CPQ: variants seen among roughly 807,000 people sequenced by gnomAD.
The protein encoded by CPQ is carboxypeptidase Q.
In CPQ, 37 loss-of-function variants were observed where a neutral mutation model predicts 45.7. That is an observed-to-expected ratio of 0.81 (90% confidence interval 0.62 to 1.07). The LOEUF is 1.07. CPQ is among the 50% of genes least tolerant of loss of function. CPQ has a pLI of 0.00. For missense variants in CPQ, 537 were observed against 572.9 expected (o/e 0.94, Z 0.64); for synonymous variants, 186 against 205.8 (o/e 0.90, Z 0.82).
intron 2 of CPQ, among the ~76,000 whole-genome samples, chr8:96,829,308 GAC>G (rs1811418824): frequency 6.6e-6 from 1 of 152,126 alleles, no homozygotes; most frequent in Non-Finnish European, 1.5e-5. Flanking sequence ...GATCTCAGGA[GAC>G]ACAGTCCGGA....
chr8:96,788,109 A>T (rs538382816), intron 2 of CPQ, among the ~76,000 whole-genome samples: 1 of 148,254 alleles, frequency 6.7e-6, no homozygotes. Flanking sequence ...AGCACTTTGA[A>T]TACATTATCG....
intron 1 of CPQ, among the ~76,000 whole-genome samples, chr8:96,718,058 A>G (rs1369397133): frequency 6.6e-6 from 1 of 152,212 alleles, no homozygotes; most frequent in Non-Finnish European, 1.5e-5. Context: ...ATGGAGACAG[A>G]AACCACTGTG....
intron 6 of CPQ, among the ~76,000 whole-genome samples, chr8:97,034,956 G>A (rs1423161140): frequency 3.3e-5 from 5 of 150,044 alleles, no homozygotes; most frequent in East Asian, 2.0e-4. Context: ...AGTGTGGCAC[G>A]ATCTCAGCTC....
At chr8:96,649,634 G>A (rs1487263134) in intron 1 of CPQ, among the ~76,000 whole-genome samples, 1 of 152,230 alleles carries the variant, frequency 6.6e-6, no homozygotes, top group East Asian at 1.9e-4. Context: ...GAAAGACGGT[G>A]AGTGAGCAGA....
chr8:96,735,901 G>T (rs537958612), intron 1 of CPQ, among the ~76,000 whole-genome samples: 114 of 152,242 alleles, frequency 7.5e-4, no homozygotes, highest in African/African-American at 2.7e-3. Flanking sequence ...CCATTGGGAA[G>T]ATTTTCCCCT....
chr8:96,688,596 C>G (rs1022906167), intron 1 of CPQ, among the ~76,000 whole-genome samples: 1 of 152,144 alleles, frequency 6.6e-6, no homozygotes, highest in African/African-American at 2.4e-5. Flanking sequence ...ATGTGACTCT[C>G]TATTTCCTAC....
At chr8:97,037,767 G>T (rs1349421499) in intron 6 of CPQ, among the ~76,000 whole-genome samples, 1 of 151,992 alleles carries the variant, frequency 6.6e-6, no homozygotes, top group East Asian at 1.9e-4. Flanking sequence ...TTATGACTAG[G>T]GGACTTCTGA....
Position 97,066,163 on chromosome 8 carries a change from A to G in CPQ, c.1208A>G (p.His403Arg). Residue 403 changes from histidine (H) to arginine (R), a missense_variant, in exon 7 of 8, where the codon CAT becomes CGT. Physicochemically the swap from His to Arg is conservative, Grantham distance 29 (BLOSUM62 0). Coordinates refer to ENST00000220763, the MANE Select transcript of CPQ (RefSeq NM_016134.4). Reference protein sequence around the residue: ...QPLNITQVLSHGEGTDINFWI... With the variant: ...QPLNITQVLSRGEGTDINFWI... The stretch of plus-strand genomic sequence containing the variant: ...CTCAATATCACTCAGGTCCTGAGCC[A>G]TGGAGAAGGGACAGACATCAACTTT... 4 of 1,611,654 alleles carry G rather than the reference A, an allele frequency of 2.5e-6. No individual in the cohort carries two copies. Among genetic ancestry groups the G allele is most frequent in the African/African-American group, 1.3e-5 (1 of 74,930 alleles).
chr8:96,864,186 G>A (rs1346272773), intron 3 of CPQ, among the ~76,000 whole-genome samples: 1 of 151,986 alleles, frequency 6.6e-6, no homozygotes, highest in African/African-American at 2.4e-5. Flanking sequence ...CTTCCTAACT[G>A]GCTTATTCTG....
At chr8:96,894,969 T>C (rs1410380432) in intron 4 of CPQ, among the ~76,000 whole-genome samples, 1 of 152,222 alleles carries the variant, frequency 6.6e-6, no homozygotes, top group Admixed American at 6.5e-5. Flanking sequence ...ACTGAATTTT[T>C]ACAAAAGAGA....
At chr8:97,131,435 A>G (rs547079292) in intron 7 of CPQ, among the ~76,000 whole-genome samples, 3 of 152,332 alleles carry the variant, frequency 2.0e-5, no homozygotes, top group Non-Finnish European at 4.4e-5. Flanking sequence ...ATTTAAGCTT[A>G]TATCTAATGC....
Position 96,967,472 on chromosome 8 carries a change from A to G in CPQ, c.961+1426A>G, listed in dbSNP as rs916560654. On this transcript the variant is annotated intron_variant, in intron 5 of 7. Transcript: ENST00000220763. ...AAATTGTATCTTCTTTAAGCTTTGA[A>G]TCTTACTTCTTCGGTATTCAGCATG... is the stretch of plus-strand genomic sequence containing the variant. 2.0e-5 allele frequency among the ~76,000 whole-genome samples: 3 copies of G among 152,294 alleles called. No homozygotes were observed. The South Asian group carries it at 6.2e-4, about 32-fold the overall frequency.
At chr8:96,830,124 T>A (rs1231916445) in intron 2 of CPQ, among the ~76,000 whole-genome samples, 1 of 152,140 alleles carries the variant, frequency 6.6e-6, no homozygotes, top group African/African-American at 2.4e-5. Flanking sequence ...GAAGATTATG[T>A]GATAAGAGTA....
chr8:96,684,388 C>A (rs572069613), intron 1 of CPQ, among the ~76,000 whole-genome samples: 1 of 152,306 alleles, frequency 6.6e-6, no homozygotes, highest in Non-Finnish European at 1.5e-5. Context: ...TGGAGATGGG[C>A]ATGCCATGCA....
chr8:96,973,971 G>T (rs962541379), intron 5 of CPQ, among the ~76,000 whole-genome samples: 3 of 152,008 alleles, frequency 2.0e-5, no homozygotes, highest in African/African-American at 7.2e-5. Flanking sequence ...GGAAAAAAAG[G>T]TAATCAGGCA....
chr8:97,054,342 C>A (rs1476817663), intron 6 of CPQ, among the ~76,000 whole-genome samples: 2 of 152,074 alleles, frequency 1.3e-5, no homozygotes, highest in African/African-American at 4.8e-5. Context: ...ATTAGTATAG[C>A]CTCTATGGAA....
intron 3 of CPQ, among the ~76,000 whole-genome samples, chr8:96,871,062 A>G (rs1234219811): frequency 6.6e-6 from 1 of 151,892 alleles, no homozygotes; most frequent in East Asian, 1.9e-4. Flanking sequence ...GTTTGTATAC[A>G]TTACTTTCCT....
chr8:97,118,754 A>T (rs1393562186), intron 7 of CPQ, among the ~76,000 whole-genome samples: 1 of 152,136 alleles, frequency 6.6e-6, no homozygotes. Flanking sequence ...AAAGAAAAAA[A>T]TTGTATATGT....
At chr8:96,653,773 A>T (rs539874501) in intron 1 of CPQ, among the ~76,000 whole-genome samples, 1 of 152,278 alleles carries the variant, frequency 6.6e-6, no homozygotes, top group East Asian at 1.9e-4. Flanking sequence ...TATGTTGAGT[A>T]GGCGGAGGAG....
Sources: allele counts gnomAD v4.1 joint callset (sites outside exome capture counted in the v4.1 genomes callset), GRCh38; gene constraint gnomAD v4.1.1; transcripts MANE v1.5; gene names NCBI Gene and HGNC (gene_info 2026-07-23, HGNC 2026-07-21).